EEFSEC: variants seen among roughly 807,000 people sequenced by gnomAD.
EEFSEC encodes the protein eukaryotic elongation factor, selenocysteine-tRNA specific.
A neutral mutation model predicts 42.1 loss-of-function variants in EEFSEC; 43 were observed. The observed-to-expected ratio is 1.02, with a 90% confidence interval of 0.80 to 1.32. The LOEUF (loss-of-function observed/expected upper bound fraction) is 1.32, where lower values mean the gene tolerates loss of function less well. Ranked by LOEUF, EEFSEC falls within the 40% of genes most tolerant of loss-of-function variation. The probability of loss-of-function intolerance (pLI) is 0.00; values close to 1 mark genes in which losing one functional copy is unlikely to be tolerated. For missense variants in EEFSEC, 745 were observed against 803.6 expected, an observed-to-expected ratio of 0.93 and a Z score of 0.88; for synonymous variants, 354 against 339.1, an observed-to-expected ratio of 1.04 and a Z score of -0.48.
At chr3:128,215,957 C>T (rs932192428) in intron 1 of EEFSEC, among the ~76,000 whole-genome samples, 1 of 152,122 alleles carries the variant, frequency 6.6e-6, no homozygotes, top group African/African-American at 2.4e-5. Context: ...AGAGTTCCTA[C>T]TGTCTAAACA....
At chr3:128,365,148 C>G (rs962787381) in intron 6 of EEFSEC, among the ~76,000 whole-genome samples, 3 of 152,234 alleles carry the variant, frequency 2.0e-5, no homozygotes, top group African/African-American at 7.2e-5. Flanking sequence ...TCCCTCATCA[C>G]AATTTATTGG....
At chr3:128,230,836 T>C (rs1168873746) in intron 1 of EEFSEC, among the ~76,000 whole-genome samples, 1 of 152,152 alleles carries the variant, frequency 6.6e-6, no homozygotes, top group African/African-American at 2.4e-5. Context: ...AGGTGGCCCA[T>C]GCATCAGTAG....
At chr3:128,180,249 T>G (rs991472448) in intron 1 of EEFSEC, among the ~76,000 whole-genome samples, 1 of 152,194 alleles carries the variant, frequency 6.6e-6, no homozygotes, top group Non-Finnish European at 1.5e-5. Context: ...AGGACTTCAA[T>G]ATATGGTTAA....
At chr3:128,196,744 CACTT>C (rs1252763927) in intron 1 of EEFSEC, among the ~76,000 whole-genome samples, 1 of 152,174 alleles carries the variant, frequency 6.6e-6, no homozygotes, top group African/African-American at 2.4e-5. Flanking sequence ...CTGTGTCTGT[CACTT>C]ACTGGCACTC....
chr3:128,392,678 C>T (rs1211854967), intron 6 of EEFSEC, among the ~76,000 whole-genome samples: 1 of 152,266 alleles, frequency 6.6e-6, no homozygotes, highest in Non-Finnish European at 1.5e-5. Context: ...GCCAAGCTCC[C>T]TTCCCAGCAT....
intron 6 of EEFSEC, among the ~76,000 whole-genome samples, chr3:128,383,630 G>A (rs2067802776): frequency 6.6e-6 from 1 of 152,378 alleles, no homozygotes; most frequent in Non-Finnish European, 1.5e-5. Context: ...TGGAGGAGGA[G>A]AGCAAGGTGG....
intron 1 of EEFSEC, among the ~76,000 whole-genome samples, chr3:128,154,916 C>T (rs1415430947): frequency 6.6e-6 from 1 of 152,104 alleles, no homozygotes; most frequent in Non-Finnish European, 1.5e-5. Context: ...TGTGTGTTTT[C>T]GGTCGTGGTG....
At chr3:128,401,999 C>T (rs1272465060) in intron 6 of EEFSEC, among the ~76,000 whole-genome samples, 3 of 152,228 alleles carry the variant, frequency 2.0e-5, no homozygotes, top group Non-Finnish European at 2.9e-5. Flanking sequence ...CCCTCCCCTC[C>T]CCGGCTCCTG....
chr3:128,167,161 C>T (rs372462600), intron 1 of EEFSEC, among the ~76,000 whole-genome samples: 2 of 152,146 alleles, frequency 1.3e-5, no homozygotes, highest in East Asian at 3.9e-4. Context: ...GTCCACCCTC[C>T]TCAGGCTAGA....
At chr3:128,204,369 T>C (rs544302510) in intron 1 of EEFSEC, among the ~76,000 whole-genome samples, 61 of 152,366 alleles carry the variant, frequency 4.0e-4, no homozygotes, top group African/African-American at 1.4e-3. Flanking sequence ...TCAATAAATA[T>C]TAACTGTTAT....
At chr3:128,251,842 A>C (rs971481795) in intron 2 of EEFSEC, among the ~76,000 whole-genome samples, 1 of 152,186 alleles carries the variant, frequency 6.6e-6, no homozygotes, top group African/African-American at 2.4e-5. Flanking sequence ...TATCTCTGAA[A>C]GCATTTAAAA....
At chr3:128,218,617 G>A (rs544500090) in intron 1 of EEFSEC, among the ~76,000 whole-genome samples, 2 of 152,240 alleles carry the variant, frequency 1.3e-5, no homozygotes, top group Admixed American at 1.3e-4. Flanking sequence ...GAGTGATTCC[G>A]GACTGGCCGT....
chr3:128,404,115 GCT>G (rs1293975094), intron 6 of EEFSEC, among the ~76,000 whole-genome samples: 1 of 152,210 alleles, frequency 6.6e-6, no homozygotes, highest in Non-Finnish European at 1.5e-5. Context: ...AACCTGGGTT[GCT>G]CTTCACTTCC....
chr3:128,167,831 C>T (rs987361009), intron 1 of EEFSEC, among the ~76,000 whole-genome samples: 1 of 152,200 alleles, frequency 6.6e-6, no homozygotes, highest in African/African-American at 2.4e-5. Context: ...TTTCTCCATG[C>T]AGTTCAAAGG....
chr3:128,422,089 G>C, the EEFSEC span, among the ~76,000 whole-genome samples: 1 of 152,094 alleles, frequency 6.6e-6, no homozygotes, highest in Non-Finnish European at 1.5e-5. Context: ...GAACCCTCTG[G>C]GGGGTCCCAG....
At chr3:128,406,809 T>TCA (rs978924695) in intron 6 of EEFSEC, among the ~76,000 whole-genome samples, 8 of 150,202 alleles carry the variant, frequency 5.3e-5, no homozygotes, top group South Asian at 4.2e-4. Context: ...TGAGACCCTG[T>TCA]CACACACACA....
intron 1 of EEFSEC, among the ~76,000 whole-genome samples, chr3:128,199,405 G>C (rs1397013324): frequency 1.3e-5 from 2 of 152,178 alleles, no homozygotes; most frequent in African/African-American, 2.4e-5. Context: ...TTAAAGTTAA[G>C]TGTGGGGCTA....
At chr3:128,391,503 G>T (rs933135373) in intron 6 of EEFSEC, among the ~76,000 whole-genome samples, 10 of 152,208 alleles carry the variant, frequency 6.6e-5, no homozygotes, top group African/African-American at 2.4e-4. Context: ...GACTGTCGTG[G>T]TGGTGCCCTC....
At chr3:128,235,340 A>AT (rs1201956020) in intron 1 of EEFSEC, among the ~76,000 whole-genome samples, 1 of 151,958 alleles carries the variant, frequency 6.6e-6, no homozygotes, top group African/African-American at 2.4e-5. Context: ...AAGTGCTGGG[A>AT]TTATAGGCCT....
Sources: gnomAD v4.1 joint callset for allele counts (sites outside exome capture counted in the v4.1 genomes callset) on GRCh38, gnomAD v4.1.1 for gene constraint, MANE v1.5 for transcripts, NCBI Gene and HGNC (gene_info 2026-07-23, HGNC 2026-07-21) for gene names.